Variants in WWOX observed in about 807,000 individuals in gnomAD.
WWOX encodes the protein WW domain-containing oxidoreductase.
Under a neutral mutation model 46.2 loss-of-function variants are expected in WWOX, and 69 were observed. That is an observed-to-expected ratio of 1.49 (90% CI 1.23 to 1.82). The LOEUF (loss-of-function observed/expected upper bound fraction) is 1.82. Ranked by LOEUF, WWOX falls within the 40% of genes most tolerant of loss-of-function variation. The probability of loss-of-function intolerance (pLI) is 0.00; values close to 1 mark genes in which losing one functional copy is unlikely to be tolerated. For synonymous variants in WWOX, 359 were observed against 202.6 expected, an observed-to-expected ratio of 1.77 and a Z score of -6.56; for missense variants, 919 against 542.6, an observed-to-expected ratio of 1.69 and a Z score of -6.89.
rs111331043 is a variant in WWOX, at chr16:78,543,149, A to G, written c.1056+110397A>G. Among the ~76,000 whole-genome samples, 45 of 152,276 alleles carry G rather than the reference A, an allele frequency of 3.0e-4. 1 individual carries two copies. Among genetic ancestry groups the G allele is most frequent in the African/African-American group, 9.6e-4 (40 of 41,560 alleles). On this transcript the variant is annotated intron_variant, in intron 8 of 8. Coordinates refer to ENST00000566780, the MANE Select transcript of WWOX (RefSeq NM_016373.4). ...TCTGCACAGTCCCTGAGGGACCCGG[A>G]CTTATAGAGTCTGTGATCTCACAGC...
intron 8 of WWOX, among the ~76,000 whole-genome samples, chr16:78,754,549 A>G (rs2142464444): frequency 6.6e-6 from 1 of 152,224 alleles, no homozygotes; most frequent in South Asian, 2.1e-4. Flanking sequence ...CTCCAAATAA[A>G]TGGTATTTAT....
chr16:78,826,861 C>T (rs1394456292), intron 8 of WWOX, among the ~76,000 whole-genome samples: 2 of 152,190 alleles, frequency 1.3e-5, no homozygotes, highest in Admixed American at 6.5e-5. Context: ...ACTTAGCTGT[C>T]CTCTGCCTCC....
intron 8 of WWOX, among the ~76,000 whole-genome samples, chr16:79,088,337 C>A (rs2048891041): frequency 6.6e-6 from 1 of 152,184 alleles, no homozygotes; most frequent in Non-Finnish European, 1.5e-5. Flanking sequence ...CATGCAAAAT[C>A]CATGTAGCGG....
intron 8 of WWOX, among the ~76,000 whole-genome samples, chr16:78,973,986 C>G (rs1395067237): frequency 6.6e-6 from 1 of 152,194 alleles, no homozygotes; most frequent in African/African-American, 2.4e-5. Flanking sequence ...TATTACTAGT[C>G]AGCTTTCTTT....
At chr16:78,845,688 T>C (rs986946655) in intron 8 of WWOX, among the ~76,000 whole-genome samples, 1 of 152,164 alleles carries the variant, frequency 6.6e-6, no homozygotes, top group Admixed American at 6.5e-5. Flanking sequence ...AGGTAACTAA[T>C]ATTTCCGGAA....
intron 5 of WWOX, among the ~76,000 whole-genome samples, chr16:78,239,342 T>A (rs1183379495): frequency 6.6e-6 from 1 of 151,970 alleles, no homozygotes; most frequent in African/African-American, 2.4e-5. Flanking sequence ...AGCAGGGTGG[T>A]CCTCCCATCC....
intron 8 of WWOX, among the ~76,000 whole-genome samples, chr16:78,903,613 T>G (rs2044883879): frequency 6.6e-6 from 1 of 152,208 alleles, no homozygotes; most frequent in African/African-American, 2.4e-5. Flanking sequence ...CCTTTCAGTT[T>G]GGTTCTAAGA....
At chr16:78,802,887 G>A (rs1368874049) in intron 8 of WWOX, among the ~76,000 whole-genome samples, 1 of 124,056 alleles carries the variant, frequency 8.1e-6, no homozygotes, top group Non-Finnish European at 1.6e-5. Context: ...TTGCACTCCA[G>A]CCTGGGTCAC....
chr16:79,019,507 A>G (rs183445312), intron 8 of WWOX, among the ~76,000 whole-genome samples: 56 of 152,262 alleles, frequency 3.7e-4, no homozygotes, highest in African/African-American at 1.3e-3. Context: ...TGGGACAGCC[A>G]TCATATATGC....
chr16:78,143,418 A>G (rs866819641), intron 4 of WWOX, among the ~76,000 whole-genome samples: 2 of 152,180 alleles, frequency 1.3e-5, no homozygotes, highest in African/African-American at 4.8e-5. Flanking sequence ...TCGAAGGGTC[A>G]GATTGTGGCA....
intron 8 of WWOX, among the ~76,000 whole-genome samples, chr16:78,928,087 T>C (rs546952117): frequency 6.6e-5 from 10 of 152,310 alleles, no homozygotes; most frequent in Admixed American, 1.3e-4. Flanking sequence ...TCGCCTGGAC[T>C]TCAAAAGCCT....
chr16:79,105,519 A>T (rs1240992453), intron 8 of WWOX, among the ~76,000 whole-genome samples: 2 of 152,262 alleles, frequency 1.3e-5, no homozygotes, highest in Non-Finnish European at 1.5e-5. Flanking sequence ...TCTATATTTA[A>T]ATCTGTGTAT....
chr16:78,287,691 C>T (rs181749879), intron 5 of WWOX, among the ~76,000 whole-genome samples: 4 of 152,156 alleles, frequency 2.6e-5, no homozygotes, highest in Non-Finnish European at 1.5e-5. Flanking sequence ...CAGGCCAAAA[C>T]GGCCATCTCC....
At chr16:78,996,286 G>A (rs774506425) in intron 8 of WWOX, 56 of 984,818 alleles carry the variant, frequency 5.7e-5, no homozygotes, top group Non-Finnish European at 6.6e-5. Flanking sequence ...GGTGCTCCCT[G>A]GAAGATGGAT....
At chr16:79,080,771 A>G (rs1381319144) in intron 8 of WWOX, among the ~76,000 whole-genome samples, 2 of 152,216 alleles carry the variant, frequency 1.3e-5, no homozygotes, top group Non-Finnish European at 2.9e-5. Flanking sequence ...GTTTGAGACC[A>G]GCCCGGGCAA....
intron 8 of WWOX, chr16:79,203,124 G>C (rs1380152752): frequency 6.6e-6 from 1 of 152,188 alleles, no homozygotes; most frequent in Non-Finnish European, 1.5e-5. Context: ...CGCTGCTGGT[G>C]AATGAAATAT....
At chr16:79,184,635 A>ATGGC (rs1399292740) in intron 8 of WWOX, among the ~76,000 whole-genome samples, 2 of 152,184 alleles carry the variant, frequency 1.3e-5, no homozygotes, top group African/African-American at 4.8e-5. Flanking sequence ...GAGGGTCAAT[A>ATGGC]TGGCATCCAG....
chr16:78,539,267 G>T (rs568487285), intron 8 of WWOX, among the ~76,000 whole-genome samples: 1 of 152,340 alleles, frequency 6.6e-6, no homozygotes, highest in African/African-American at 2.4e-5. Context: ...AAAATCACAG[G>T]AATCTGCGTG....
intron 5 of WWOX, among the ~76,000 whole-genome samples, chr16:78,284,885 T>C (rs1464099035): frequency 6.6e-6 from 1 of 152,232 alleles, no homozygotes; most frequent in African/African-American, 2.4e-5. Flanking sequence ...TCTTCCATTA[T>C]GTTTAGTATT....
Sources: gnomAD v4.1 joint callset for allele counts (sites outside exome capture counted in the v4.1 genomes callset) on GRCh38, gnomAD v4.1.1 for gene constraint, MANE v1.5 for transcripts, NCBI Gene and HGNC (gene_info 2026-07-23, HGNC 2026-07-21) for gene names.